Variants in AMBP observed in about 807,000 individuals in gnomAD.
AMBP encodes the protein alpha-1-microglobulin/bikunin precursor.
AMBP carries 37 observed loss-of-function variants against 46.3 expected under a neutral mutation model. The ratio of observed to expected loss-of-function variants is 0.80; its 90% confidence interval spans 0.61 to 1.05. The LOEUF is 1.05. Ranked by LOEUF, AMBP falls within the 50% of genes least tolerant of loss-of-function variation. The pLI, the probability that AMBP is intolerant of heterozygous loss-of-function variation, is 0.00. For synonymous variants in AMBP, 174 were observed against 175.9 expected (o/e 0.99, Z 0.09); for missense variants, 475 against 461.2 (o/e 1.03, Z -0.27).
At chr9:114,074,258 C>T in intron 3 of AMBP, 106 bp from the exon 4 acceptor site, 1 of 815,630 alleles carries the variant, frequency 1.2e-6, no homozygotes, top group Admixed American at 2.1e-5. Flanking sequence ...ATCCATCCAT[C>T]TATCCACCCA....
Position 114,074,025 on chromosome 9 carries a change from T to C in AMBP, c.454+11A>G. 2 of 1,611,856 alleles carry C rather than the reference T, an allele frequency of 1.2e-6. No homozygotes were observed. The highest frequency in any genetic ancestry group is 1.7e-6 in the Non-Finnish European group (2 of 1,177,880). On this transcript the variant is annotated intron_variant, in intron 4 of 9. Coordinates refer to ENST00000265132, the MANE Select transcript of AMBP (RefSeq NM_001633.4). ...TAACTCCAATGGGCACATCTAGTAA[T>C]GAGCCTTTACCGTAGAGCTTGGCAG...
In AMBP at chr9:114,061,053, AT is replaced by A. The variant is rs1564370295; in HGVS notation, c.898del (p.Ile300SerfsTer83). 16 of 1,614,112 alleles carry A rather than the reference AT, an allele frequency of 9.9e-6. No individual in the cohort carries two copies. Among genetic ancestry groups the A allele is most frequent in the Non-Finnish European group, 1.3e-5 (15 of 1,180,042 alleles). ...PIVRGPCRAF[I>X]QLWAFDAVKG... Reference sequence around the variant, plus strand: ...GACAGCATCAAATGCCCAGAGCTGGATGAAGGCTCGGCAGGGGCCCCGGACT... The same window carrying A: ...GACAGCATCAAATGCCCAGAGCTGGAGAAGGCTCGGCAGGGGCCCCGGACT... On this transcript the variant is annotated frameshift_variant, in exon 9 of 10. Coordinates refer to ENST00000265132, the MANE Select transcript of AMBP (RefSeq NM_001633.4). LOFTEE classifies it high-confidence loss of function.
chr9:114,067,462 C>T (rs1846705765), intron 6 of AMBP, among the ~76,000 whole-genome samples: 1 of 152,018 alleles, frequency 6.6e-6, no homozygotes, highest in Non-Finnish European at 1.5e-5. Context: ...CACTATGTGG[C>T]CCAGACTGGT....
At chr9:114,073,049 A>G in intron 4 of AMBP, 23 bp from the exon 5 acceptor site, 1 of 1,601,882 alleles carries the variant, frequency 6.2e-7, no homozygotes, top group Non-Finnish European at 8.5e-7. Flanking sequence ...AGCAGAGGAG[A>G]CGCCTAGAAC....
At chr9:114,061,312 G>T in intron 8 of AMBP, 112 bp downstream of exon 8, 1 of 1,533,972 alleles carries the variant, frequency 6.5e-7, no homozygotes, top group Non-Finnish European at 8.9e-7. Flanking sequence ...ACCGCCTGGA[G>T]TTCTACCACT....
chr9:114,075,733 G>A (rs1051702022), intron 2 of AMBP, among the ~76,000 whole-genome samples: 2 of 152,174 alleles, frequency 1.3e-5, no homozygotes, highest in Admixed American at 1.3e-4. Flanking sequence ...GGGTAAGTGT[G>A]AGGTCCTCTT....
chr9:114,073,196 G>A lies in AMBP; in HGVS notation c.455-170C>T, dbSNP rs539352357. On this transcript the variant is annotated intron_variant, in intron 4 of 9. Coordinates refer to ENST00000265132, the MANE Select transcript of AMBP (RefSeq NM_001633.4). ...AGACAGGCTCCCAAGAGGAAGAGGG[G>A]TCTCTCCCAGGTTCCCACCCAGGTC... Among the ~76,000 whole-genome samples, 4 of 152,094 alleles carry A rather than the reference G, an allele frequency of 2.6e-5. No individual in the cohort carries two copies. The South Asian group carries it at 8.3e-4, about 32-fold the overall frequency.
At chr9:114,070,268 A>G (rs760728432) in intron 5 of AMBP, among the ~76,000 whole-genome samples, 6 of 152,180 alleles carry the variant, frequency 3.9e-5, no homozygotes, top group African/African-American at 7.2e-5. Context: ...CACTGGTGGT[A>G]GCAGTGACTG....
At chr9:114,062,902 G>A (rs1397967566) in intron 6 of AMBP, 144 bp from the exon 7 acceptor site, 1 of 753,634 alleles carries the variant, frequency 1.3e-6, no homozygotes, top group Non-Finnish European at 2.2e-6. Flanking sequence ...AAAGGAGACT[G>A]TTTTCCCAAA....
intron 6 of AMBP, among the ~76,000 whole-genome samples, chr9:114,063,771 AAGT>A (rs999121177): frequency 6.6e-6 from 1 of 152,246 alleles, no homozygotes; most frequent in African/African-American, 2.4e-5. Context: ...GAATATGTGA[AAGT>A]AGAAAATTGT....
chr9:114,066,058 G>A (rs543151341), intron 6 of AMBP, among the ~76,000 whole-genome samples: 4 of 152,276 alleles, frequency 2.6e-5, no homozygotes, highest in South Asian at 2.1e-4. Flanking sequence ...GCAGCTAAAG[G>A]AGCCATCTTA....
Position 114,076,691 on chromosome 9 carries a change from A to G in AMBP, c.167T>C (p.Leu56Pro), listed in dbSNP as rs1846814915. ...TGTCATCCTGTCCATGATCTTCTTC[A>G]GCCAGGGGCAGGTGGAACCGATGGC... ...NLAIGSTCPW[L>P]KKIMDRMTVS... is the part of the protein sequence containing the mutation. The change falls in exon 2 of 10, where the codon CTG becomes CCG. Residue 56 changes from leucine to proline, a missense_variant. Transcript: ENST00000265132. 1 of 1,613,818 alleles carries G rather than the reference A, an allele frequency of 6.2e-7. No homozygotes were observed. The highest frequency in any genetic ancestry group is 1.3e-5 in the African/African-American group (1 of 74,852).
rs113229530 is a variant in AMBP at position 114,074,154 on chromosome 9, T to A, written c.338-2A>T. 6.2e-7 allele frequency: 1 copy of A among 1,613,238 alleles called. No individual in the cohort carries two copies. The highest frequency in any genetic ancestry group is 1.1e-5 in the South Asian group (1 of 91,056). On this transcript the variant is annotated splice_acceptor_variant, in intron 3 of 9. Transcript: ENST00000265132. LOFTEE classifies it high-confidence loss of function. ...AGGACTCCATGGTTATGTTCCATTC[T>A]GCATGGGAGGTGCAGGCAGACCAAA... is the stretch of plus-strand genomic sequence containing the variant.
At chr9:114,066,714 T>C (rs1846698234) in intron 6 of AMBP, among the ~76,000 whole-genome samples, 1 of 151,958 alleles carries the variant, frequency 6.6e-6, no homozygotes, top group African/African-American at 2.4e-5. Context: ...ATAATCCCAG[T>C]GAATGCAGAT....
intron 5 of AMBP, among the ~76,000 whole-genome samples, chr9:114,070,351 C>G (rs1035479735): frequency 6.6e-6 from 1 of 152,172 alleles, no homozygotes. Flanking sequence ...CCACCCCCAT[C>G]CTTATGCAGC....
intron 2 of AMBP, among the ~76,000 whole-genome samples, chr9:114,075,566 T>C (rs1254072217): frequency 6.6e-6 from 1 of 152,266 alleles, no homozygotes; most frequent in East Asian, 1.9e-4. Flanking sequence ...TGGATATTTA[T>C]TGGGCAGCAC....
intron 6 of AMBP, among the ~76,000 whole-genome samples, chr9:114,067,876 C>A (rs960083925): frequency 1.2e-4 from 19 of 152,096 alleles, no homozygotes; most frequent in African/African-American, 4.3e-4. Context: ...ATGAACCCTC[C>A]TCAAAAACAC....
rs1846637464 is a variant in AMBP at position 114,061,455 on chromosome 9, T to C, written c.822A>G (p.Glu274=). Residue 274 remains glutamate (E), a synonymous_variant, in exon 8 of 10, where the codon GAA becomes GAG. Coordinates refer to ENST00000265132, the MANE Select transcript of AMBP (RefSeq NM_001633.4). The part of the protein sequence containing the change: ...CMGNGNNFVT[E]KECLQTCRTV... Reference sequence around the variant, plus strand: ...TTCGGCAGGTCTGCAGACACTCCTTTTCTGTGACGAAGTTGTTACCGTTGC... The same window carrying C: ...TTCGGCAGGTCTGCAGACACTCCTTCTCTGTGACGAAGTTGTTACCGTTGC... 5 of 1,614,062 alleles carry C rather than the reference T, an allele frequency of 3.1e-6. No homozygotes were observed. In the East Asian group the frequency reaches 1.1e-4, roughly 36 times the overall value.
rs970758249 is a variant in AMBP at position 114,070,859 on chromosome 9, C to T, written c.557-1114G>A. ...ATTGGGGTGACTGTCAAGCCTGATACTCTGGATGGCTGGGCCTGGGGCCTG... is the reference window on the plus strand; with the variant it reads ...ATTGGGGTGACTGTCAAGCCTGATATTCTGGATGGCTGGGCCTGGGGCCTG... On this transcript the variant is annotated intron_variant, in intron 5 of 9. Transcript: ENST00000265132. Among the ~76,000 whole-genome samples the T allele has an allele frequency of 1.3e-4, 20 of 151,906 alleles. No individual in the cohort carries two copies. The Middle Eastern group carries it at 0.034, about 258-fold the overall frequency.
Sources: allele counts gnomAD v4.1 joint callset (sites outside exome capture counted in the v4.1 genomes callset), GRCh38; gene constraint gnomAD v4.1.1; transcripts MANE v1.5; gene names NCBI Gene and HGNC (gene_info 2026-07-23, HGNC 2026-07-21).